Variants in PHLPP1 observed in about 807,000 individuals in gnomAD.
PHLPP1 encodes the protein PH domain and leucine rich repeat protein phosphatase 1.
PHLPP1 carries 42 observed loss-of-function variants against 117.2 expected under a neutral mutation model. The ratio of observed to expected loss-of-function variants is 0.36; its 90% confidence interval spans 0.28 to 0.46. The LOEUF (loss-of-function observed/expected upper bound fraction) is 0.46. Among genes scored for constraint, PHLPP1 ranks in the 20% least tolerant of loss-of-function variants. PHLPP1 has a pLI of 1.00. For missense variants in PHLPP1, 2,084 were observed against 2,241.9 expected (o/e 0.93, Z 1.42); for synonymous variants, 1,042 against 970.7 (o/e 1.07, Z -1.37).
chr18:62,796,445 A>G (rs966056538), intron 1 of PHLPP1, among the ~76,000 whole-genome samples: 43 of 152,232 alleles, frequency 2.8e-4, no homozygotes, highest in South Asian at 2.1e-4. Flanking sequence ...ATTAGTAGTT[A>G]AAAGAAAGAC....
chr18:62,748,247 GTT>G (rs59135441), intron 1 of PHLPP1, among the ~76,000 whole-genome samples: 12 of 137,964 alleles, frequency 8.7e-5, no homozygotes, highest in African/African-American at 1.6e-4. Context: ...GGTTTTTTTT[GTT>G]TTTTTTTTTT....
chr18:62,726,331 T>TG (rs1555666197), intron 1 of PHLPP1, among the ~76,000 whole-genome samples: 3 of 151,922 alleles, frequency 2.0e-5, no homozygotes, highest in African/African-American at 7.2e-5. Context: ...CTTTTTTTTT[T>TG]TGGGGGGGTT....
At chr18:62,871,524 C>G (rs2074065827) in intron 4 of PHLPP1, among the ~76,000 whole-genome samples, 1 of 151,906 alleles carries the variant, frequency 6.6e-6, no homozygotes, top group South Asian at 2.1e-4. Context: ...GACGGAGTTT[C>G]ACCATGTCGG....
intron 10 of PHLPP1, among the ~76,000 whole-genome samples, chr18:62,938,498 T>C (rs1424928253): frequency 1.3e-5 from 2 of 152,192 alleles, no homozygotes; most frequent in Admixed American, 1.3e-4. Flanking sequence ...TGAATGGGTA[T>C]TGAATTTAAT....
At chr18:62,849,208 A>G (rs1331235122) in intron 3 of PHLPP1, among the ~76,000 whole-genome samples, 2 of 152,212 alleles carry the variant, frequency 1.3e-5, no homozygotes, top group East Asian at 1.9e-4. Context: ...ACTGTTTTCA[A>G]TGGTGAGGGA....
chr18:62,902,934 A>C, intron 6 of PHLPP1, 30 bp from the exon 7 acceptor site: 1 of 1,439,938 alleles, frequency 6.9e-7, no homozygotes, highest in Non-Finnish European at 9.7e-7. Flanking sequence ...ATTGCAGTTA[A>C]TTATAGTCTC....
At chr18:62,901,014 G>A (rs910910594) in intron 6 of PHLPP1, among the ~76,000 whole-genome samples, 1 of 152,196 alleles carries the variant, frequency 6.6e-6, no homozygotes, top group African/African-American at 2.4e-5. Context: ...TTCAGTCATG[G>A]TGAGAGTTAA....
At chr18:62,718,623 G>T (rs1910831171) in intron 1 of PHLPP1, among the ~76,000 whole-genome samples, 1 of 152,180 alleles carries the variant, frequency 6.6e-6, no homozygotes, top group Non-Finnish European at 1.5e-5. Context: ...TCAACTCGAT[G>T]ACATGGCTTT....
intron 1 of PHLPP1, among the ~76,000 whole-genome samples, chr18:62,728,930 G>T (rs1305677145): frequency 2.0e-5 from 3 of 151,590 alleles, no homozygotes; most frequent in African/African-American, 7.3e-5. Context: ...GTGTTGTCTT[G>T]AACTGATGAC....
rs978740996 is a variant in PHLPP1, at chr18:62,716,949, C to T, written c.1266C>T (p.Ala422=). The T allele has an allele frequency of 3.3e-6, 5 of 1,537,886 alleles. No individual in the cohort carries two copies. Among genetic ancestry groups the T allele is most frequent in the Admixed American group, 2.0e-5 (1 of 50,882 alleles). The change falls in exon 1 of 17, where the codon GCC becomes GCT. Residue 422 remains alanine, a synonymous_variant. Coordinates refer to ENST00000262719, the MANE Select transcript of PHLPP1 (RefSeq NM_194449.4). This position sits in a 1 kb window ranked among gnomAD's most constrained non-coding sequence, Gnocchi z 5.7. ...SPQPQQKAPR[A]IDSPGGAVRE... ...AGCCGCAGCAGAAAGCCCCGAGGGC[C>T]ATTGACAGCCCGGGCGGGGCCGTCC...
intron 1 of PHLPP1, among the ~76,000 whole-genome samples, chr18:62,721,970 G>A (rs1910933908): frequency 6.6e-6 from 1 of 152,118 alleles, no homozygotes; most frequent in East Asian, 1.9e-4. Context: ...TGGCATTTTA[G>A]TTTAACATTT....
At chr18:62,860,777 T>A (rs942164666) in intron 4 of PHLPP1, among the ~76,000 whole-genome samples, 176 bp downstream of exon 4, 6 of 152,082 alleles carry the variant, frequency 3.9e-5, no homozygotes, top group South Asian at 2.1e-4. Context: ...CAATCTGAAA[T>A]TTTTTTTAAG....
chr18:62,751,954 C>A (rs1911867841), intron 1 of PHLPP1, among the ~76,000 whole-genome samples: 1 of 152,140 alleles, frequency 6.6e-6, no homozygotes, highest in South Asian at 2.1e-4. Context: ...TACTAAAATA[C>A]TCAGAAAAAG....
At chr18:62,808,324 T>G (rs972327569) in intron 1 of PHLPP1, among the ~76,000 whole-genome samples, 25 of 150,080 alleles carry the variant, frequency 1.7e-4, no homozygotes, top group African/African-American at 5.0e-4. Flanking sequence ...AATTGGGAAG[T>G]TGACAGTATG....
intron 1 of PHLPP1, among the ~76,000 whole-genome samples, chr18:62,752,221 G>T (rs1194383871): frequency 6.6e-6 from 1 of 152,194 alleles, no homozygotes; most frequent in African/African-American, 2.4e-5. Flanking sequence ...GGGACCACAG[G>T]CATGAGCACT....
chr18:62,766,076 A>AATATATATATATATATATATATATAT (rs60058262), intron 1 of PHLPP1, among the ~76,000 whole-genome samples: 20 of 21,612 alleles, frequency 9.3e-4, no homozygotes, highest in Non-Finnish European at 1.1e-3. Flanking sequence ...AAAAAAAAAA[A>AATATATATATATATATATATATATAT]ATATATATAT....
At chr18:62,819,763 A>G (rs866246653) in intron 1 of PHLPP1, among the ~76,000 whole-genome samples, 4 of 152,194 alleles carry the variant, frequency 2.6e-5, no homozygotes, top group Non-Finnish European at 4.4e-5. Context: ...CTCCTGCCTC[A>G]GCCTCCCGAG....
intron 1 of PHLPP1, among the ~76,000 whole-genome samples, chr18:62,718,350 T>C (rs551097052): frequency 1.3e-5 from 2 of 152,342 alleles, no homozygotes; most frequent in East Asian, 3.9e-4. Flanking sequence ...CTCCATTAAT[T>C]TGTAGCCATT....
chr18:62,839,747 T>TAA (rs957413704), intron 3 of PHLPP1: 57 of 146,528 alleles, frequency 3.9e-4, no homozygotes, highest in Non-Finnish European at 6.6e-4. Flanking sequence ...TGTATATATA[T>TAA]AATATAATAT....
Sources: allele counts gnomAD v4.1 joint callset (sites outside exome capture counted in the v4.1 genomes callset), GRCh38; gene constraint gnomAD v4.1.1; non-coding constraint Gnocchi (gnomAD v3.1); transcripts MANE v1.5; gene names NCBI Gene and HGNC (gene_info 2026-07-23, HGNC 2026-07-21).